The following GK variants were observed in gnomAD, a reference collection of about 807,000 sequenced individuals.
GK encodes the protein glycerol kinase.
GK carries 9 observed loss-of-function variants against 56.4 expected under a neutral mutation model. The observed-to-expected ratio is 0.16, with a 90% CI of 0.10 to 0.28. The LOEUF (loss-of-function observed/expected upper bound fraction) is 0.28. Ranked by LOEUF, GK falls within the 10% of genes least tolerant of loss-of-function variation. The probability of loss-of-function intolerance (pLI) is 1.00; values close to 1 mark genes in which losing one functional copy is unlikely to be tolerated. For missense variants in GK, 161 were observed against 431.4 expected (o/e 0.37, Z 5.55); for synonymous variants, 104 against 144.1 (o/e 0.72, Z 1.99).
chrX:30,681,990 A>G (rs753009238), intron 4 of GK, among the ~76,000 whole-genome samples: 18 of 111,821 alleles, frequency 1.6e-4, no homozygotes, highest in Non-Finnish European at 2.6e-4. Context: ...ATAACAAAAT[A>G]CCCTAGATTG....
At chrX:30,688,960 A>G (rs950455943) in intron 4 of GK, among the ~76,000 whole-genome samples, 1 of 112,515 alleles carries the variant, frequency 8.9e-6, no homozygotes, top group Non-Finnish European at 1.9e-5. Context: ...TAAGAATTAC[A>G]TTTTACATAA....
chrX:30,729,931 A>T lies in GK; in HGVS notation c.*1189A>T, dbSNP rs1281221171. 5.3e-5 allele frequency: 6 copies of T among 112,348 alleles called. No homozygotes were observed. The highest frequency in any genetic ancestry group is 1.1e-4 in the Non-Finnish European group (6 of 53,138). The allele number at this position is 112,348 out of a possible 1,213,427, so 9.3% of individuals were successfully genotyped here. ...AATACCTAAGTAGAAAAAAATATAGAAATAAAGCCAAGAATCTCTTTCAGT... is the reference window on the plus strand; with the variant it reads ...AATACCTAAGTAGAAAAAAATATAGTAATAAAGCCAAGAATCTCTTTCAGT... On this transcript the variant is annotated 3_prime_UTR_variant, in exon 21 of 21. Transcript: ENST00000427190.
chrX:30,677,540 G>T, intron 4 of GK, 88 bp downstream of exon 4: 1 of 607,281 alleles, frequency 1.6e-6, no homozygotes. Context: ...AAAAAAGCAT[G>T]CAGTCGCCAG....
intron 4 of GK, among the ~76,000 whole-genome samples, chrX:30,681,847 AAAATT>A (rs1319845208): frequency 8.9e-6 from 1 of 112,000 alleles, no homozygotes; most frequent in Non-Finnish European, 1.9e-5. Context: ...ATCCAGTGAA[AAAATT>A]ATTAAGAAAT....
At chrX:30,712,826 G>T (rs1402753688) in intron 13 of GK, among the ~76,000 whole-genome samples, 1 of 98,985 alleles carries the variant, frequency 1.0e-5, no homozygotes, top group Non-Finnish European at 2.0e-5. Context: ...CCAGGTTCAC[G>T]CCATTCTCCT....
intron 19 of GK, among the ~76,000 whole-genome samples, chrX:30,725,038 G>T (rs975089178): frequency 9.1e-6 from 1 of 110,100 alleles, no homozygotes; most frequent in African/African-American, 3.3e-5. Flanking sequence ...CCACCACCAT[G>T]CCCAGCTAAT....
intron 11 of GK, 54 bp downstream of exon 11, chrX:30,700,959 G>A (rs1935621809): frequency 1.3e-6 from 1 of 783,788 alleles, no homozygotes; most frequent in Admixed American, 2.2e-5. Context: ...TTTCTACTTG[G>A]TGCTTTGAAT....
intron 2 of GK, among the ~76,000 whole-genome samples, 169 bp from the exon 3 acceptor site, chrX:30,667,843 A>G (rs763986733): frequency 2.7e-5 from 3 of 112,569 alleles, no homozygotes; most frequent in Non-Finnish European, 5.6e-5. Context: ...GTAAGGAAAT[A>G]GGCTTTTCTT....
chrX:30,673,605 G>A (rs758321759), intron 3 of GK, among the ~76,000 whole-genome samples: 8 of 111,589 alleles, frequency 7.2e-5, no homozygotes, highest in Non-Finnish European at 1.1e-4. Context: ...CTGGGAAGCT[G>A]TTTCACTGGA....
Position 30,691,526 on chromosome X carries a change from G to A in GK, c.414+327G>A, listed in dbSNP as rs966259013. Among the ~76,000 whole-genome samples the A allele has an allele frequency of 4.0e-3, 398 of 99,664 alleles. 2 individuals carry two copies. The highest frequency in any genetic ancestry group is 6.6e-3 in the Non-Finnish European group (328 of 49,780). 86.5% of individuals were successfully genotyped at this position (99,664 alleles called of 115,157 possible). A position where few individuals can be genotyped will look rare whatever the true frequency, so the allele number is the denominator to read the frequency against. On this transcript the variant is annotated intron_variant, in intron 5 of 20. Coordinates refer to ENST00000427190, the MANE Select transcript of GK (RefSeq NM_001205019.2). ...TTATGCTTGTTGCCCAGGCTGGAGT[G>A]CAATGGTGTGATCTCGGCTCACCGC... is the stretch of plus-strand genomic sequence containing the variant.
chrX:30,672,779 A>G (rs1933621300), intron 3 of GK, among the ~76,000 whole-genome samples: 1 of 111,164 alleles, frequency 9.0e-6, no homozygotes, highest in East Asian at 2.8e-4. Context: ...GCGCCACTGC[A>G]CTCCAGCCTG....
chrX:30,666,924 G>T (rs1933115341), intron 2 of GK, among the ~76,000 whole-genome samples: 1 of 111,390 alleles, frequency 9.0e-6, no homozygotes, highest in African/African-American at 3.3e-5. Context: ...GGAGGCCGAG[G>T]CAGGCGGATC....
At chrX:30,701,270 G>A (rs1308509444) in intron 11 of GK, among the ~76,000 whole-genome samples, 3 of 111,144 alleles carry the variant, frequency 2.7e-5, no homozygotes, top group Non-Finnish European at 5.7e-5. Context: ...TTAGCCGGGC[G>A]TGTTGGTGCA....
At chrX:30,690,502 A>G (rs1047905056) in intron 4 of GK, among the ~76,000 whole-genome samples, 14 of 111,867 alleles carry the variant, frequency 1.3e-4, no homozygotes, top group African/African-American at 3.9e-4. Context: ...GATCCATTAA[A>G]ATGGAGATTT....
chrX:30,691,196 C>T lies in GK; in HGVS notation c.411C>T (p.Val137=). The T allele has an allele frequency of 9.3e-7, 1 of 1,076,600 alleles. No individual in the cohort carries two copies. The highest frequency in any genetic ancestry group is 3.0e-5 in the East Asian group (1 of 33,203). 88.7% of individuals were successfully genotyped at this position (1,076,600 alleles called of 1,213,427 possible). A position where few individuals can be genotyped will look rare whatever the true frequency, so the allele number is the denominator to read the frequency against. ...GAATTCCAGGAAATAATAACTTTGTCAAGGTAAGAATTTCTTCAGAAGTAT... is the reference window on the plus strand; with the variant it reads ...GAATTCCAGGAAATAATAACTTTGTTAAGGTAAGAATTTCTTCAGAAGTAT... ...SKRIPGNNNF[V]KSKTGLPLST... The change falls in exon 5 of 21, where the codon GTC becomes GTT. Residue 137 remains valine, a synonymous_variant. Coordinates refer to ENST00000427190, the MANE Select transcript of GK (RefSeq NM_001205019.2).
At chrX:30,653,753 G>A in intron 1 of GK, 138 bp downstream of exon 1, 1 of 578,551 alleles carries the variant, frequency 1.7e-6, no homozygotes, top group Non-Finnish European at 2.9e-6. Flanking sequence ...GGCCGGAACG[G>A]GACCTGCCAC....
At chrX:30,681,289 A>G (rs1236935507) in intron 4 of GK, among the ~76,000 whole-genome samples, 1 of 112,473 alleles carries the variant, frequency 8.9e-6, no homozygotes, top group East Asian at 2.8e-4. Flanking sequence ...TTAAATGGAC[A>G]TTCTAAAACT....
chrX:30,728,230 A>T (rs1386319041), intron 20 of GK, among the ~76,000 whole-genome samples: 1 of 111,652 alleles, frequency 9.0e-6, no homozygotes, highest in African/African-American at 3.3e-5. Flanking sequence ...AATTTATAAT[A>T]GCCATTTGTG....
chrX:30,706,810 A>G (rs1312755561), intron 11 of GK, among the ~76,000 whole-genome samples: 5 of 111,473 alleles, frequency 4.5e-5, no homozygotes, highest in Non-Finnish European at 7.5e-5. Flanking sequence ...CACACTCTGT[A>G]TCCAGCCTCC....
Sources: gnomAD v4.1 joint callset for allele counts (sites outside exome capture counted in the v4.1 genomes callset) on GRCh38, gnomAD v4.1.1 for gene constraint, MANE v1.5 for transcripts, NCBI Gene and HGNC (gene_info 2026-07-23, HGNC 2026-07-21) for gene names.